The following CACNA2D1 variants were observed in gnomAD, a reference collection of about 807,000 sequenced individuals.
CACNA2D1 encodes voltage-dependent calcium channel subunit alpha-2/delta-1.
Under a neutral mutation model 171.5 loss-of-function variants are expected in CACNA2D1, and 53 were observed. The ratio of observed to expected loss-of-function variants is 0.31; its 90% confidence interval spans 0.25 to 0.39. The LOEUF is 0.39. CACNA2D1 is among the 10% of genes least tolerant of loss of function. The pLI, the probability that CACNA2D1 is intolerant of heterozygous loss-of-function variation, is 1.00. For synonymous variants in CACNA2D1, 442 were observed against 443.1 expected (o/e 1.00, Z 0.03); for missense variants, 903 against 1,299.8 (o/e 0.69, Z 4.69).
intron 7 of CACNA2D1, among the ~76,000 whole-genome samples, chr7:82,077,419 C>T (rs1227701514): frequency 6.6e-6 from 1 of 152,114 alleles, no homozygotes; most frequent in Non-Finnish European, 1.5e-5. Context: ...TAATAAAGAG[C>T]ACAAGTAACA....
intron 12 of CACNA2D1, among the ~76,000 whole-genome samples, chr7:82,014,740 A>G (rs982867902): frequency 2.0e-5 from 3 of 152,122 alleles, no homozygotes; most frequent in African/African-American, 7.2e-5. Flanking sequence ...GAGTATGACT[A>G]ATGTTTCATT....
intron 3 of CACNA2D1, among the ~76,000 whole-genome samples, chr7:82,291,363 T>A (rs1203328442): frequency 1.5e-5 from 2 of 131,162 alleles, no homozygotes; most frequent in Non-Finnish European, 3.1e-5. Context: ...TTTAGATATA[T>A]AGATATCTTT....
intron 3 of CACNA2D1, among the ~76,000 whole-genome samples, chr7:82,178,174 A>G (rs1342152104): frequency 6.6e-6 from 1 of 152,136 alleles, no homozygotes; most frequent in Non-Finnish European, 1.5e-5. Context: ...CTTTCGCCTC[A>G]TAGCTTCTGG....
chr7:82,066,652 A>G, intron 7 of CACNA2D1, 128 bp from the exon 8 acceptor site: 4 of 1,357,742 alleles, frequency 2.9e-6, no homozygotes, highest in Non-Finnish European at 3.9e-6. Context: ...TGTTCAAATG[A>G]GAGATATCAT....
intron 3 of CACNA2D1, among the ~76,000 whole-genome samples, chr7:82,326,314 T>C (rs1563371459): frequency 1.3e-5 from 2 of 152,184 alleles, no homozygotes; most frequent in South Asian, 2.1e-4. Context: ...GGAAAATTGG[T>C]TTGTTATATG....
chr7:81,960,824 C>T (rs919510545), intron 36 of CACNA2D1, among the ~76,000 whole-genome samples: 10 of 152,132 alleles, frequency 6.6e-5, no homozygotes, highest in Non-Finnish European at 8.8e-5. Flanking sequence ...AATCCCATTT[C>T]CTGAAGTCCA....
chr7:81,999,063 A>G (rs1005828514), intron 18 of CACNA2D1, among the ~76,000 whole-genome samples: 8 of 152,190 alleles, frequency 5.3e-5, no homozygotes, highest in Non-Finnish European at 1.0e-4. Context: ...AACAGAAATA[A>G]GAGTATTTAT....
At position 82,012,184 on chromosome 7, in the gene CACNA2D1, G is replaced by A. The variant is rs73151504; in HGVS notation, c.1332C>T (p.Val444=). 13,649 of 1,606,080 alleles carry A rather than the reference G, an allele frequency of 8.5e-3. 92 individuals carry two copies. Among genetic ancestry groups the A allele is most frequent in the Non-Finnish European group, 9.5e-3 (11,163 of 1,173,814 alleles). Residue 444 remains valine, a synonymous_variant, in exon 15 of 39, where the codon GTC becomes GTT. Coordinates refer to ENST00000356860, the MANE Select transcript of CACNA2D1 (RefSeq NM_000722.4). ...MVLAGDKAKQ[V]QWTNVYLDAL... ...CATCCAGGTACACATTTGTCCATTG[G>A]ACTTGCTTAGCTTTGTCTCCTGCTA...
chr7:81,964,088 T>A lies in CACNA2D1; in HGVS notation c.2748A>T (p.Leu916Phe). 1 of 1,612,254 alleles carries A rather than the reference T, an allele frequency of 6.2e-7. No homozygotes were observed. Among genetic ancestry groups the A allele is most frequent in the Non-Finnish European group, 8.5e-7 (1 of 1,178,916 alleles). Residue 916 changes from leucine (L) to phenylalanine (F), a missense_variant, in exon 34 of 39, where the codon TTA becomes TTT. This residue lies in a region of CACNA2D1 where 623 missense variants were observed against 925.5 expected (regional missense o/e 0.67). Transcript: ENST00000356860. ...SAYVPSVADI[L>F]QIGWWATAAA... The stretch of plus-strand genomic sequence containing the variant: ...CAGCAGTGGCCCACCAGCCAATTTG[T>A]AATATGTCTGCTACTGATGGCTATA...
At position 81,994,858 on chromosome 7, in the gene CACNA2D1, C is replaced by T; in HGVS notation, c.1734+10G>A. 1 of 1,296,958 alleles carries T rather than the reference C, an allele frequency of 7.7e-7. No homozygotes were observed. The highest frequency in any genetic ancestry group is 1.1e-6 in the Non-Finnish European group (1 of 891,824). 80.3% of individuals were successfully genotyped at this position (1,296,958 alleles called of 1,614,324 possible). ...TTTTTATTTAAGAATAAGCTAGAAT[C>T]AATTCTTACCTCATCTTGAGATTTA... On this transcript the variant is annotated intron_variant, in intron 20 of 38. Transcript: ENST00000356860.
chr7:82,147,049 T>TAC (rs1440117298), intron 4 of CACNA2D1, among the ~76,000 whole-genome samples: 1 of 99,320 alleles, frequency 1.0e-5, no homozygotes, highest in Non-Finnish European at 2.1e-5. Flanking sequence ...AAATAACAAG[T>TAC]ACACACACAC....
rs533694196 is a variant in CACNA2D1 at position 82,418,972 on chromosome 7, C to T, written c.95+24393G>A. Among the ~76,000 whole-genome samples the T allele has an allele frequency of 2.6e-5, 4 of 151,960 alleles. No homozygotes were observed. In the South Asian group the frequency reaches 6.2e-4, roughly 24 times the overall value. ...ATACAAAAAAAAAATTAGCTGGGCGCGGTGGCGGGCACCTGTAGTCCCAGC... is the reference window on the plus strand; with the variant it reads ...ATACAAAAAAAAAATTAGCTGGGCGTGGTGGCGGGCACCTGTAGTCCCAGC... On this transcript the variant is annotated intron_variant, in intron 1 of 38. Transcript: ENST00000356860.
intron 4 of CACNA2D1, among the ~76,000 whole-genome samples, chr7:82,147,685 T>C (rs1474338312): frequency 6.6e-6 from 1 of 152,194 alleles, no homozygotes; most frequent in Non-Finnish European, 1.5e-5. Flanking sequence ...CCAATGGTAA[T>C]ATTAGCCCTT....
chr7:82,013,330 G>T, intron 14 of CACNA2D1, 131 bp downstream of exon 14: 1 of 266,814 alleles, frequency 3.7e-6, no homozygotes. Context: ...AAGATACTCA[G>T]TATTTTAATA....
chr7:82,249,917 T>C (rs562525268), intron 3 of CACNA2D1, among the ~76,000 whole-genome samples: 1 of 152,340 alleles, frequency 6.6e-6, no homozygotes, highest in South Asian at 2.1e-4. Flanking sequence ...TCTTAGTCCA[T>C]TTTCTGCTGC....
At chr7:82,011,918 C>T (rs1216728364) in intron 15 of CACNA2D1, 2 of 429,830 alleles carry the variant, frequency 4.7e-6, no homozygotes, top group East Asian at 3.9e-5. Context: ...ATTCTACATT[C>T]CCAATGAAGG....
chr7:82,028,820 C>CA (rs1802286612), intron 12 of CACNA2D1: 1 of 151,926 alleles, frequency 6.6e-6, no homozygotes, highest in African/African-American at 2.4e-5. Context: ...AAAACTTGAA[C>CA]AAATGAGGAG....
chr7:82,443,864 C>T (rs1199956007), upstream of CACNA2D1: 1 of 332,978 alleles, frequency 3.0e-6, no homozygotes, highest in Middle Eastern at 9.2e-4. Flanking sequence ...GGGGTGACGG[C>T]GCTGGAGGGT....
intron 7 of CACNA2D1, among the ~76,000 whole-genome samples, chr7:82,078,962 T>A (rs1862123): frequency 0.38 from 57,107 of 151,970 alleles, 11,179 homozygotes; most frequent in Non-Finnish European, 0.43. Flanking sequence ...AATGATTTTC[T>A]TAGCTTATTT....
Sources: gnomAD v4.1 joint callset for allele counts (sites outside exome capture counted in the v4.1 genomes callset) on GRCh38, gnomAD v4.1.1 for gene constraint, gnomAD v4.1.1 regional missense constraint, MANE v1.5 for transcripts, NCBI Gene and HGNC (gene_info 2026-07-23, HGNC 2026-07-21) for gene names.